The following FGF14 variants were observed in gnomAD, a reference collection of about 807,000 sequenced individuals.
FGF14 encodes fibroblast growth factor 14.
A neutral mutation model predicts 25.5 loss-of-function variants in FGF14; 5 were observed. That is an observed-to-expected ratio of 0.20 (90% CI 0.10 to 0.41). The LOEUF (loss-of-function observed/expected upper bound fraction) is 0.41, where lower values mean the gene tolerates loss of function less well. FGF14 is among the 10% of genes least tolerant of loss of function. The pLI is 1.00. For synonymous variants in FGF14, 138 were observed against 118.3 expected (o/e 1.17, Z -1.08); for missense variants, 222 against 320.1 (o/e 0.69, Z 2.34).
chr13:102,201,484 A>C (rs186519898), intron 1 of FGF14, among the ~76,000 whole-genome samples: 88 of 152,298 alleles, frequency 5.8e-4, no homozygotes, highest in Non-Finnish European at 1.0e-3. Flanking sequence ...ATTGGCTGAA[A>C]AAATTCTCTG....
At chr13:102,337,596 G>C (rs1452088089) in intron 1 of FGF14, among the ~76,000 whole-genome samples, 1 of 152,176 alleles carries the variant, frequency 6.6e-6, no homozygotes, top group African/African-American at 2.4e-5. Flanking sequence ...GTCAAATTCT[G>C]AAAGTTCTAT....
At chr13:102,157,195 T>A (rs564957150) in intron 1 of FGF14, among the ~76,000 whole-genome samples, 3 of 152,020 alleles carry the variant, frequency 2.0e-5, no homozygotes, top group African/African-American at 4.8e-5. Context: ...AGCCCACATT[T>A]CCAAGTCAAT....
At chr13:102,063,446 G>A (rs917705790) in intron 1 of FGF14, among the ~76,000 whole-genome samples, 2 of 151,908 alleles carry the variant, frequency 1.3e-5, no homozygotes, top group South Asian at 2.1e-4. Context: ...AAAACCTCAT[G>A]TCTACTCAAA....
intron 3 of FGF14, among the ~76,000 whole-genome samples, chr13:101,758,323 A>C (rs1374123911): frequency 4.6e-5 from 7 of 152,216 alleles, no homozygotes; most frequent in Non-Finnish European, 7.3e-5. Context: ...AAGCTAGTTA[A>C]AATGTAAGTC....
intron 1 of FGF14, among the ~76,000 whole-genome samples, chr13:102,386,764 C>T (rs1004125662): frequency 6.6e-6 from 1 of 152,204 alleles, no homozygotes. Context: ...TCCGAAGTGG[C>T]ACCTCTACAT....
chr13:101,874,759 A>G (rs954120805), intron 2 of FGF14, among the ~76,000 whole-genome samples: 2 of 152,138 alleles, frequency 1.3e-5, no homozygotes, highest in Non-Finnish European at 2.9e-5. Flanking sequence ...TATGTAAAAA[A>G]ACAAAACAAA....
chr13:102,152,736 C>T (rs1294574435), intron 1 of FGF14, among the ~76,000 whole-genome samples: 1 of 152,102 alleles, frequency 6.6e-6, no homozygotes, highest in African/African-American at 2.4e-5. Flanking sequence ...TCCGCTTTAC[C>T]TATAATTTTT....
At chr13:102,152,403 G>C (rs1244622121) in intron 1 of FGF14, among the ~76,000 whole-genome samples, 1 of 152,094 alleles carries the variant, frequency 6.6e-6, no homozygotes, top group Non-Finnish European at 1.5e-5. Flanking sequence ...TCCCTCCTTG[G>C]TTTGTAGACA....
intron 1 of FGF14, among the ~76,000 whole-genome samples, chr13:102,342,542 A>G (rs916963270): frequency 3.3e-5 from 5 of 152,212 alleles, no homozygotes; most frequent in African/African-American, 1.2e-4. Context: ...CAGCAATGGC[A>G]ATGACTAATT....
chr13:101,739,111 G>GTATA (rs3064690), intron 3 of FGF14, among the ~76,000 whole-genome samples: 25 of 137,952 alleles, frequency 1.8e-4, no homozygotes, highest in Middle Eastern at 3.6e-3. Flanking sequence ...ATATATACAT[G>GTATA]TATATATATA....
chr13:102,035,867 G>T (rs987842509), intron 1 of FGF14, among the ~76,000 whole-genome samples: 1 of 152,082 alleles, frequency 6.6e-6, no homozygotes, highest in African/African-American at 2.4e-5. Context: ...AGGAAAATGT[G>T]CTAAAGACAA....
In FGF14 at chr13:101,718,830, A is replaced by G. The variant is rs1236593473; in HGVS notation, c.*4001T>C. ...AACTCAGCCTTAGTTTGCAGACTCA[A>G]CTGTCAACACTTTGAAACCCTACTC... On this transcript the variant is annotated 3_prime_UTR_variant, in exon 5 of 5. Transcript: ENST00000376143. The G allele has an allele frequency of 1.3e-5, 2 of 152,106 alleles. No individual in the cohort carries two copies. The highest frequency in any genetic ancestry group is 2.4e-5 in the African/African-American group (1 of 41,498). The allele number at this position is 152,106 out of a possible 1,614,324, so 9.4% of individuals were successfully genotyped here.
rs570012325 is a variant in FGF14, at chr13:101,878,089, T to C, written c.194-2793A>G. Among the ~76,000 whole-genome samples the C allele has an allele frequency of 1.0e-3, 153 of 152,294 alleles. 1 individual carries two copies. Among genetic ancestry groups the C allele is most frequent in the African/African-American group, 3.5e-3 (146 of 41,566 alleles). ...TATGCACCTTACCGCAGTAAGGCCC[T>C]ATCTTATCTGATGGCTCTGCTCACT... On this transcript the variant is annotated intron_variant, in intron 1 of 4. Coordinates refer to ENST00000376143, the MANE Select transcript of FGF14 (RefSeq NM_004115.4).
chr13:101,898,994 C>A (rs946683403), intron 1 of FGF14, among the ~76,000 whole-genome samples: 2 of 152,118 alleles, frequency 1.3e-5, no homozygotes, highest in African/African-American at 2.4e-5. Context: ...ATCCACAATG[C>A]TAAGGAGACA....
At chr13:102,355,833 C>A (rs1364810206) in intron 1 of FGF14, among the ~76,000 whole-genome samples, 3 of 151,932 alleles carry the variant, frequency 2.0e-5, no homozygotes, top group Non-Finnish European at 1.5e-5. Context: ...CTAAAAATTA[C>A]AGAAAGTACT....
intron 1 of FGF14, among the ~76,000 whole-genome samples, chr13:102,232,071 G>T (rs2051109792): frequency 6.6e-6 from 1 of 151,970 alleles, no homozygotes; most frequent in Non-Finnish European, 1.5e-5. Flanking sequence ...CACTTGTTTT[G>T]CTAATCAATA....
chr13:102,116,364 G>A (rs2045470196), intron 1 of FGF14, among the ~76,000 whole-genome samples: 1 of 152,020 alleles, frequency 6.6e-6, no homozygotes, highest in Non-Finnish European at 1.5e-5. Context: ...GGGTGTGTGT[G>A]TGCGTAGTAT....
At chr13:102,181,172 T>C (rs1437637400) in intron 1 of FGF14, among the ~76,000 whole-genome samples, 1 of 152,142 alleles carries the variant, frequency 6.6e-6, no homozygotes, top group African/African-American at 2.4e-5. Context: ...TTAAACAGAA[T>C]GTTATTTTTT....
rs959724606 is a variant in FGF14, at chr13:101,722,019, G to GTA, written c.*810_*811dup. ...ACCATTACCAGTAAGCTTGTGATATGTATAAAACACACACACACAAAGAAA... is the reference window on the plus strand; with the variant it reads ...ACCATTACCAGTAAGCTTGTGATATGTATATAAAACACACACACACAAAGAAA... On this transcript the variant is annotated 3_prime_UTR_variant, in exon 5 of 5. Coordinates refer to ENST00000376143, the MANE Select transcript of FGF14 (RefSeq NM_004115.4). 19 of 152,116 alleles carry GTA rather than the reference G, an allele frequency of 1.2e-4. No homozygotes were observed. The highest frequency in any genetic ancestry group is 4.6e-4 in the African/African-American group (19 of 41,340). The allele number at this position is 152,116 out of a possible 1,614,324, so 9.4% of individuals were successfully genotyped here.
Sources: gnomAD v4.1 joint callset for allele counts (sites outside exome capture counted in the v4.1 genomes callset) on GRCh38, gnomAD v4.1.1 for gene constraint, MANE v1.5 for transcripts, NCBI Gene and HGNC (gene_info 2026-07-23, HGNC 2026-07-21) for gene names.